The following PCSK5 variants were observed in gnomAD, a reference collection of about 807,000 sequenced individuals.
The protein encoded by PCSK5 is prohormone convertase 5.
Under a neutral mutation model 233.2 loss-of-function variants are expected in PCSK5, and 129 were observed. That is an observed-to-expected ratio of 0.55 (90% CI 0.48 to 0.64). The LOEUF is 0.64. PCSK5 is among the 30% of genes least tolerant of loss of function. PCSK5 has a pLI of 0.00. For synonymous variants in PCSK5, 825 were observed against 879.2 expected (o/e 0.94, Z 1.09); for missense variants, 2,076 against 2,430.1 (o/e 0.85, Z 3.06).
intron 10 of PCSK5, among the ~76,000 whole-genome samples, chr9:76,146,035 T>A (rs963088615): frequency 2.1e-5 from 3 of 144,674 alleles, no homozygotes; most frequent in African/African-American, 7.4e-5. Flanking sequence ...TCCAGACTCT[T>A]TTTTTTTTTC....
intron 12 of PCSK5, among the ~76,000 whole-genome samples, chr9:76,160,070 C>T (rs562691068): frequency 1.6e-4 from 24 of 152,094 alleles, no homozygotes; most frequent in Non-Finnish European, 2.6e-4. Context: ...ATCCATCCGC[C>T]TCGGCCTCCC....
intron 20 of PCSK5, among the ~76,000 whole-genome samples, chr9:76,218,342 T>C (rs576443017): frequency 6.6e-6 from 1 of 152,296 alleles, no homozygotes; most frequent in South Asian, 2.1e-4. Context: ...TGCAAGGTCA[T>C]TGTGCTTGGT....
intron 34 of PCSK5, among the ~76,000 whole-genome samples, chr9:76,337,890 A>G (rs1829723748): frequency 6.6e-6 from 1 of 152,166 alleles, no homozygotes; most frequent in African/African-American, 2.4e-5. Context: ...ATTAATCACA[A>G]CTTAAAGCAT....
intron 9 of PCSK5, 29 bp downstream of exon 9, chr9:76,107,380 T>A (rs762145959): frequency 1.4e-6 from 2 of 1,445,882 alleles, no homozygotes; most frequent in South Asian, 2.3e-5. Context: ...ATGTCTTCAA[T>A]GGTGACAACC....
chr9:76,049,145 C>T (rs560878635), intron 5 of PCSK5, among the ~76,000 whole-genome samples: 18 of 152,140 alleles, frequency 1.2e-4, no homozygotes, highest in African/African-American at 4.1e-4. Context: ...ATGTCAGAGA[C>T]TGCATGTGTC....
chr9:76,198,102 G>A (rs927114669), intron 20 of PCSK5, among the ~76,000 whole-genome samples: 6 of 152,154 alleles, frequency 3.9e-5, no homozygotes, highest in African/African-American at 1.4e-4. Flanking sequence ...CTACGTTTCA[G>A]CGGACCAGAA....
chr9:76,068,233 G>T (rs1564007294), intron 6 of PCSK5, among the ~76,000 whole-genome samples, 190 bp downstream of exon 6: 1 of 152,064 alleles, frequency 6.6e-6, no homozygotes, highest in Non-Finnish European at 1.5e-5. Flanking sequence ...AAAGACTTCT[G>T]AAGCAGTCAC....
At chr9:76,035,182 T>C (rs578101456) in intron 5 of PCSK5, among the ~76,000 whole-genome samples, 1 of 152,330 alleles carries the variant, frequency 6.6e-6, no homozygotes, top group African/African-American at 2.4e-5. Context: ...GACACAAGTA[T>C]GTTTGTTCTT....
intron 27 of PCSK5, among the ~76,000 whole-genome samples, chr9:76,300,885 T>C (rs2643311): frequency 0.72 from 109,982 of 152,056 alleles, 40,120 homozygotes; most frequent in East Asian, 0.94. Flanking sequence ...CACAATAAAG[T>C]CTCGTCTACT....
intron 7 of PCSK5, among the ~76,000 whole-genome samples, chr9:76,085,921 C>A (rs73454546): frequency 0.018 from 2,726 of 152,244 alleles, 83 homozygotes; most frequent in African/African-American, 0.062. Context: ...TTTCCAAGTG[C>A]CTGTCCAAAT....
At chr9:75,982,340 AT>A (rs1826314146) in intron 2 of PCSK5, among the ~76,000 whole-genome samples, 2 of 152,336 alleles carry the variant, frequency 1.3e-5, no homozygotes, top group South Asian at 4.1e-4. Context: ...ACTCCTAAAA[AT>A]AGAATTACTT....
At chr9:76,110,984 A>G (rs1832189745) in intron 9 of PCSK5, among the ~76,000 whole-genome samples, 1 of 152,024 alleles carries the variant, frequency 6.6e-6, no homozygotes, top group African/African-American at 2.4e-5. Context: ...GCATGCGCCC[A>G]TAGTCCCAGC....
intron 34 of PCSK5, among the ~76,000 whole-genome samples, chr9:76,336,462 T>G (rs904223699): frequency 2.0e-5 from 3 of 152,186 alleles, no homozygotes; most frequent in African/African-American, 7.2e-5. Flanking sequence ...AGCAAGAATT[T>G]TGTTACCCTC....
chr9:75,986,223 A>G lies in PCSK5; in HGVS notation c.389A>G (p.Lys130Arg). Reference protein sequence around the residue: ...RAQSTYFNDPKWPSMWYMHCS... With the variant: ...RAQSTYFNDPRWPSMWYMHCS... ...CAGTCTACCTATTTCAATGATCCCA[A>G]GTGGCCCAGCATGTGGTATATGGTA... The change falls in exon 3 of 38, where the codon AAG (lysine) becomes AGG (arginine). Residue 130 changes from lysine (K) to arginine (R), a missense_variant. Lys to Arg is a conservative substitution (Grantham distance 26, BLOSUM62 2). Around this residue, in one of 6 missense-constraint regions of PCSK5, gnomAD observed 190 missense variants for 216.3 expected, o/e 0.88. Coordinates refer to ENST00000674117, the MANE Select transcript of PCSK5 (RefSeq NM_001372043.1). The G allele has an allele frequency of 6.2e-7, 1 of 1,610,184 alleles. No homozygotes were observed. Among genetic ancestry groups the G allele is most frequent in the Non-Finnish European group, 8.5e-7 (1 of 1,176,364 alleles).
intron 27 of PCSK5, among the ~76,000 whole-genome samples, chr9:76,301,269 CAAA>C (rs35450863): frequency 1.5e-5 from 2 of 129,078 alleles, no homozygotes; most frequent in African/African-American, 3.0e-5. Flanking sequence ...GCGACTCTCT[CAAA>C]AAAAAAAAAA....
Position 76,359,018 on chromosome 9 carries a change from A to T in PCSK5, c.*96A>T. On this transcript the variant is annotated 3_prime_UTR_variant, in exon 38 of 38. Coordinates refer to ENST00000674117, the MANE Select transcript of PCSK5 (RefSeq NM_001372043.1). ...TATCCCCACACCAGGCTGATGTGTG[A>T]GTTTTTCTATTTGTCTTCTTTAACC... is the stretch of plus-strand genomic sequence containing the variant. 1 of 944,210 alleles carries T rather than the reference A, an allele frequency of 1.1e-6. No homozygotes were observed. Among genetic ancestry groups the T allele is most frequent in the South Asian group, 1.6e-5 (1 of 63,506 alleles). 58.5% of individuals were successfully genotyped at this position (944,210 alleles called of 1,614,324 possible). A position where few individuals can be genotyped will look rare whatever the true frequency, so the allele number is the denominator to read the frequency against.
At chr9:76,324,909 C>T (rs890977270) in intron 32 of PCSK5, among the ~76,000 whole-genome samples, 5 of 151,924 alleles carry the variant, frequency 3.3e-5, no homozygotes, top group African/African-American at 1.2e-4. Flanking sequence ...ACCGCGAGAG[C>T]CTGAGAGTGA....
chr9:76,352,472 C>T (rs1026641558), intron 36 of PCSK5, among the ~76,000 whole-genome samples: 6 of 152,248 alleles, frequency 3.9e-5, no homozygotes, highest in African/African-American at 1.4e-4. Context: ...TTATTTTACC[C>T]AGCCCCTATT....
chr9:76,077,218 C>T (rs187256433), intron 7 of PCSK5, among the ~76,000 whole-genome samples: 12 of 152,210 alleles, frequency 7.9e-5, no homozygotes, highest in Admixed American at 7.9e-4. Context: ...GTGAATTAAT[C>T]GTTCATCTTC....
Sources: gnomAD v4.1 joint callset for allele counts (sites outside exome capture counted in the v4.1 genomes callset) on GRCh38, gnomAD v4.1.1 for gene constraint, gnomAD v4.1.1 regional missense constraint, MANE v1.5 for transcripts, NCBI Gene and HGNC (gene_info 2026-07-23, HGNC 2026-07-21) for gene names.